GRIP1: variants seen among roughly 807,000 people sequenced by gnomAD.
The protein encoded by GRIP1 is glutamate receptor-interacting protein 1.
Under a neutral mutation model 129.9 loss-of-function variants are expected in GRIP1, and 45 were observed. The ratio of observed to expected loss-of-function variants is 0.35; its 90% CI spans 0.27 to 0.44. The LOEUF (loss-of-function observed/expected upper bound fraction) is 0.44. Among genes scored for constraint, GRIP1 ranks in the 20% least tolerant of loss-of-function variants. The probability of loss-of-function intolerance (pLI) is 1.00; values close to 1 mark genes in which losing one functional copy is unlikely to be tolerated. For missense variants in GRIP1, 1,196 were observed against 1,396.8 expected (o/e 0.86, Z 2.29); for synonymous variants, 530 against 520.8 (o/e 1.02, Z -0.24).
At chr12:66,944,067 A>G (rs147082478) in intron 1 of GRIP1, among the ~76,000 whole-genome samples, 1 of 152,302 alleles carries the variant, frequency 6.6e-6, no homozygotes, top group East Asian at 1.9e-4. Flanking sequence ...ATTAGCATGA[A>G]TTTTTCCAAA....
intron 24 of GRIP1, among the ~76,000 whole-genome samples, chr12:66,351,555 G>GTTTTTTTTTTTTT (rs1565655525): frequency 7.0e-6 from 1 of 143,520 alleles, no homozygotes; most frequent in African/African-American, 2.7e-5. Context: ...ACAGGAAGGT[G>GTTTTTTTTTTTTT]GTTTTTTTTT....
chr12:66,519,754 C>T (rs1453741983), intron 5 of GRIP1, among the ~76,000 whole-genome samples: 1 of 152,126 alleles, frequency 6.6e-6, no homozygotes, highest in Non-Finnish European at 1.5e-5. Flanking sequence ...AATATCAATG[C>T]CAGGGCCACA....
chr12:67,015,388 A>G lies in GRIP1; in HGVS notation c.58+53662T>C, dbSNP rs144399750. Reference sequence around the variant, plus strand: ...GCCTAAGTATATTTCACTGTCCCCAAGAGGGGTTCTCTTGACTCTGAGCAG... The same window carrying G: ...GCCTAAGTATATTTCACTGTCCCCAGGAGGGGTTCTCTTGACTCTGAGCAG... On this transcript the variant is annotated intron_variant, in intron 1 of 1. Transcript: ENST00000643019. Among the ~76,000 whole-genome samples the G allele has an allele frequency of 5.9e-5, 9 of 152,290 alleles. No individual in the cohort carries two copies. In the East Asian group the frequency reaches 1.5e-3, roughly 26 times the overall value.
chr12:66,435,644 T>A (rs777910150), intron 13 of GRIP1, among the ~76,000 whole-genome samples: 1 of 152,212 alleles, frequency 6.6e-6, no homozygotes, highest in Non-Finnish European at 1.5e-5. Context: ...GTAAGTGAGG[T>A]CTTTGAAACA....
intron 1 of GRIP1, among the ~76,000 whole-genome samples, chr12:66,895,617 G>T (rs1447091894): frequency 6.6e-6 from 1 of 151,888 alleles, no homozygotes; most frequent in African/African-American, 2.4e-5. Flanking sequence ...TTCTCTACTG[G>T]GCACCATTAA....
chr12:66,788,622 G>C (rs2038434064), intron 1 of GRIP1, among the ~76,000 whole-genome samples: 1 of 151,830 alleles, frequency 6.6e-6, no homozygotes, highest in African/African-American at 2.4e-5. Context: ...CCTATTCTAA[G>C]AGTGACCAGT....
intron 15 of GRIP1, among the ~76,000 whole-genome samples, chr12:66,413,841 C>T (rs575180939): frequency 6.6e-6 from 1 of 152,162 alleles, no homozygotes; most frequent in South Asian, 2.1e-4. Flanking sequence ...GAACTAAAGA[C>T]AAAAACCACA....
chr12:66,740,325 G>C (rs1165375078), intron 1 of GRIP1, among the ~76,000 whole-genome samples: 1 of 152,056 alleles, frequency 6.6e-6, no homozygotes, highest in Non-Finnish European at 1.5e-5. Flanking sequence ...AATTTAACTG[G>C]ACCATCCTCA....
At chr12:66,719,971 T>C (rs1427998370) in intron 1 of GRIP1, among the ~76,000 whole-genome samples, 1 of 152,198 alleles carries the variant, frequency 6.6e-6, no homozygotes, top group Admixed American at 6.6e-5. Context: ...GAATAGGACA[T>C]GTAGAGAAAG....
intron 1 of GRIP1, among the ~76,000 whole-genome samples, chr12:66,794,441 C>T (rs1228619601): frequency 2.0e-5 from 3 of 152,124 alleles, no homozygotes; most frequent in East Asian, 3.8e-4. Context: ...TTGGGGGTGC[C>T]ATTCACATAC....
intron 1 of GRIP1, among the ~76,000 whole-genome samples, chr12:67,042,676 T>C (rs555451196): frequency 6.6e-6 from 1 of 152,280 alleles, no homozygotes; most frequent in East Asian, 1.9e-4. Flanking sequence ...AGGTTGCCAG[T>C]CATCAAGAGG....
At chr12:66,784,430 TTC>T (rs1448560210) in intron 1 of GRIP1, among the ~76,000 whole-genome samples, 2 of 152,216 alleles carry the variant, frequency 1.3e-5, no homozygotes, top group African/African-American at 4.8e-5. Flanking sequence ...TAATATTATA[TTC>T]TCTTTTAGAG....
chr12:67,052,468 C>A (rs1229282939), intron 1 of GRIP1, among the ~76,000 whole-genome samples: 2 of 152,060 alleles, frequency 1.3e-5, no homozygotes, highest in East Asian at 3.9e-4. Flanking sequence ...GTCTTAAAAT[C>A]TTTACAACAG....
At chr12:66,506,825 A>G (rs1193580557) in intron 7 of GRIP1, among the ~76,000 whole-genome samples, 1 of 152,168 alleles carries the variant, frequency 6.6e-6, no homozygotes, top group Non-Finnish European at 1.5e-5. Flanking sequence ...GAGTTTGAAT[A>G]TGTAAAAGGG....
intron 1 of GRIP1, among the ~76,000 whole-genome samples, chr12:67,019,636 G>A (rs561384550): frequency 6.6e-6 from 1 of 152,180 alleles, no homozygotes; most frequent in South Asian, 2.1e-4. Flanking sequence ...TAATATTACT[G>A]AACGTTACTG....
At chr12:66,614,507 T>C (rs1311669525) in intron 1 of GRIP1, among the ~76,000 whole-genome samples, 2 of 152,074 alleles carry the variant, frequency 1.3e-5, no homozygotes, top group Non-Finnish European at 2.9e-5. Flanking sequence ...ATCCATTCCT[T>C]CTCACCACTT....
chr12:66,478,889 C>A (rs2059709242), intron 7 of GRIP1, among the ~76,000 whole-genome samples: 1 of 151,910 alleles, frequency 6.6e-6, no homozygotes, highest in Non-Finnish European at 1.5e-5. Context: ...TGGGGTGCAG[C>A]AATGGGGGAG....
chr12:66,593,853 G>T (rs1456630540), intron 2 of GRIP1, among the ~76,000 whole-genome samples: 1 of 152,010 alleles, frequency 6.6e-6, no homozygotes, highest in Non-Finnish European at 1.5e-5. Context: ...CGGATCACGA[G>T]GTCATGAGAT....
intron 1 of GRIP1, among the ~76,000 whole-genome samples, chr12:66,848,934 ATTCTGATT>A (rs1239420340): frequency 6.6e-6 from 1 of 152,038 alleles, no homozygotes; most frequent in Non-Finnish European, 1.5e-5. Context: ...CCGGGATGGG[ATTCTGATT>A]GCAAGTCTCT....
Sources: gnomAD v4.1 joint callset for allele counts (sites outside exome capture counted in the v4.1 genomes callset) on GRCh38, gnomAD v4.1.1 for gene constraint, MANE v1.5 for transcripts, NCBI Gene and HGNC (gene_info 2026-07-23, HGNC 2026-07-21) for gene names.